GALNTL6: variants seen among roughly 807,000 people sequenced by gnomAD.
GALNTL6 encodes the protein polypeptide N-acetylgalactosaminyltransferase like 6.
A neutral mutation model predicts 73.7 loss-of-function variants in GALNTL6; 46 were observed. The ratio of observed to expected loss-of-function variants is 0.62; its 90% CI spans 0.49 to 0.80. The LOEUF (loss-of-function observed/expected upper bound fraction) is 0.80, where lower values mean the gene tolerates loss of function less well. Ranked by LOEUF, GALNTL6 falls within the 30% of genes least tolerant of loss-of-function variation. The probability of loss-of-function intolerance (pLI) is 0.00; values close to 1 mark genes in which losing one functional copy is unlikely to be tolerated. For synonymous variants in GALNTL6, 259 were observed against 263.7 expected (o/e 0.98, Z 0.17); for missense variants, 604 against 755.0 (o/e 0.80, Z 2.34).
chr4:172,388,962 AT>A (rs1473876818), intron 5 of GALNTL6, among the ~76,000 whole-genome samples: 3 of 151,916 alleles, frequency 2.0e-5, no homozygotes, highest in Non-Finnish European at 4.4e-5. Flanking sequence ...GGTGAACTTT[AT>A]TTTCTTGGTT....
chr4:172,179,713 G>A (rs1329035540), intron 2 of GALNTL6, among the ~76,000 whole-genome samples: 5 of 150,362 alleles, frequency 3.3e-5, no homozygotes, highest in African/African-American at 4.9e-5. Flanking sequence ...TTGGTGTTTT[G>A]GACATGAAGT....
chr4:172,602,649 A>C (rs1738107358), intron 5 of GALNTL6, among the ~76,000 whole-genome samples: 1 of 152,164 alleles, frequency 6.6e-6, no homozygotes, highest in African/African-American at 2.4e-5. Context: ...TCGAATATTA[A>C]ATTTTTCAGC....
intron 9 of GALNTL6, among the ~76,000 whole-genome samples, chr4:172,934,243 T>G (rs1748496094): frequency 6.6e-6 from 1 of 152,152 alleles, no homozygotes; most frequent in Non-Finnish European, 1.5e-5. Context: ...AAAGAGGACC[T>G]TCAAGAATAT....
intron 2 of GALNTL6, among the ~76,000 whole-genome samples, chr4:172,218,230 G>A (rs1253631516): frequency 1.3e-5 from 2 of 152,062 alleles, no homozygotes; most frequent in Non-Finnish European, 2.9e-5. Flanking sequence ...AAGTCCTTAG[G>A]AAAATGACCT....
At chr4:172,488,453 G>A (rs1163292742) in intron 5 of GALNTL6, among the ~76,000 whole-genome samples, 1 of 152,184 alleles carries the variant, frequency 6.6e-6, no homozygotes, top group East Asian at 1.9e-4. Context: ...ACATCTGCGG[G>A]TAGCTGCTGG....
intron 3 of GALNTL6, among the ~76,000 whole-genome samples, chr4:172,251,214 G>T (rs918248727): frequency 1.3e-5 from 2 of 152,058 alleles, no homozygotes; most frequent in African/African-American, 4.8e-5. Context: ...TTTGGTGGCA[G>T]AATTCCTTTT....
intron 4 of GALNTL6, among the ~76,000 whole-genome samples, chr4:172,313,931 A>G (rs1295896044): frequency 1.3e-5 from 2 of 152,234 alleles, no homozygotes; most frequent in African/African-American, 2.4e-5. Flanking sequence ...CAATGCTGGA[A>G]GAGAAGCCTG....
intron 2 of GALNTL6, among the ~76,000 whole-genome samples, chr4:171,816,946 G>T (rs553407760): frequency 2.6e-5 from 4 of 152,152 alleles, no homozygotes; most frequent in African/African-American, 7.2e-5. Flanking sequence ...GCTAATGTAT[G>T]TGTATATTGC....
At chr4:172,064,863 A>G (rs1731312683) in intron 2 of GALNTL6, among the ~76,000 whole-genome samples, 1 of 152,182 alleles carries the variant, frequency 6.6e-6, no homozygotes, top group Non-Finnish European at 1.5e-5. Flanking sequence ...GCCATGTGAA[A>G]AAAACAATAA....
chr4:172,271,788 CAG>C (rs2111059004), intron 3 of GALNTL6, among the ~76,000 whole-genome samples: 1 of 151,834 alleles, frequency 6.6e-6, no homozygotes, highest in South Asian at 2.1e-4. Flanking sequence ...AGATAACAAA[CAG>C]ATATGCATGA....
chr4:172,303,791 C>T (rs1740025281), intron 3 of GALNTL6, among the ~76,000 whole-genome samples: 1 of 152,086 alleles, frequency 6.6e-6, no homozygotes, highest in Admixed American at 6.6e-5. Context: ...TACATATATG[C>T]TGTTTTATAT....
At chr4:172,486,265 G>T (rs1579118301) in intron 5 of GALNTL6, among the ~76,000 whole-genome samples, 1 of 152,270 alleles carries the variant, frequency 6.6e-6, no homozygotes, top group East Asian at 1.9e-4. Context: ...GTGAGAAACT[G>T]ATTGATTTGA....
intron 11 of GALNTL6, among the ~76,000 whole-genome samples, chr4:173,015,111 C>T (rs996545728): frequency 6.6e-6 from 1 of 152,186 alleles, no homozygotes; most frequent in African/African-American, 2.4e-5. Flanking sequence ...GTGTTTGCTT[C>T]CTCTTCTGCC....
At position 171,953,739 on chromosome 4, in the gene GALNTL6, T is replaced by C. The variant is rs1738958837; in HGVS notation, c.138+139021T>C. Among the ~76,000 whole-genome samples the C allele has an allele frequency of 3.3e-5, 5 of 152,184 alleles. No homozygotes were observed. In the South Asian group the frequency reaches 6.2e-4, roughly 19 times the overall value. ...AATACAAGCCAATGACACAAATAAC[T>C]GCTAAATAATGAATATCAAGAGTAT... On this transcript the variant is annotated intron_variant, in intron 2 of 12. Transcript: ENST00000506823.
At chr4:171,939,811 GACCTACCT>G (rs1485445051) in intron 2 of GALNTL6, among the ~76,000 whole-genome samples, 2 of 151,996 alleles carry the variant, frequency 1.3e-5, no homozygotes, top group Non-Finnish European at 2.9e-5. Flanking sequence ...TTAGATACAT[GACCTACCT>G]ACTAAGAACC....
At chr4:173,021,657 A>G in intron 12 of GALNTL6, 32 bp downstream of exon 12, 1 of 1,608,244 alleles carries the variant, frequency 6.2e-7, no homozygotes, top group Non-Finnish European at 8.5e-7. Flanking sequence ...TCATTCTCAA[A>G]TTACTGTGGT....
intron 4 of GALNTL6, among the ~76,000 whole-genome samples, chr4:172,334,758 A>G (rs929623909): frequency 2.0e-5 from 3 of 152,210 alleles, no homozygotes; most frequent in Admixed American, 6.5e-5. Context: ...CTTCCAGTAC[A>G]TGTTGAAAAG....
rs75948661 is a variant in GALNTL6 at position 171,819,288 on chromosome 4, G to C, written c.138+4570G>C. Among the ~76,000 whole-genome samples, 593 of 152,256 alleles carry C rather than the reference G, an allele frequency of 3.9e-3. 7 individuals are homozygous for C. The highest frequency in any genetic ancestry group is 0.014 in the African/African-American group (575 of 41,564). On this transcript the variant is annotated intron_variant, in intron 2 of 12. Coordinates refer to ENST00000506823, the MANE Select transcript of GALNTL6 (RefSeq NM_001034845.3). Reference sequence around the variant, plus strand: ...ACAGGGTGGCACCACACGGAACACTGTAACAAGTATCTTAATTATTTGCTG... The same window carrying C: ...ACAGGGTGGCACCACACGGAACACTCTAACAAGTATCTTAATTATTTGCTG...
In GALNTL6 at chr4:172,629,519, T is replaced by C. The variant is rs577845374; in HGVS notation, c.554-179842T>C. ...CTTTACCCTCTATGTGACAAGCAAC[T>C]TTTATTACTTTTGCATTTAATTAAA... On this transcript the variant is annotated intron_variant, in intron 5 of 12. Coordinates refer to ENST00000506823, the MANE Select transcript of GALNTL6 (RefSeq NM_001034845.3). Among the ~76,000 whole-genome samples the C allele has an allele frequency of 6.6e-5, 10 of 152,302 alleles. No individual in the cohort carries two copies. The East Asian group carries it at 1.9e-3, about 29-fold the overall frequency.
Sources: allele counts gnomAD v4.1 joint callset (sites outside exome capture counted in the v4.1 genomes callset), GRCh38; gene constraint gnomAD v4.1.1; transcripts MANE v1.5; gene names NCBI Gene and HGNC (gene_info 2026-07-23, HGNC 2026-07-21).